Variants in FAM53A observed in about 807,000 individuals in gnomAD.
FAM53A encodes protein FAM53A.
A neutral mutation model predicts 26.6 loss-of-function variants in FAM53A; 28 were observed. That is an observed-to-expected ratio of 1.05 (90% confidence interval 0.78 to 1.45). The LOEUF (loss-of-function observed/expected upper bound fraction) is 1.45. FAM53A is among the 40% of genes most tolerant of loss of function. The pLI is 0.00. For synonymous variants in FAM53A, 290 were observed against 253.1 expected (o/e 1.15, Z -1.38); for missense variants, 650 against 575.8 (o/e 1.13, Z -1.32).
chr4:1,643,092 CT>C (rs1409490980), intron 4 of FAM53A, among the ~76,000 whole-genome samples: 2 of 152,242 alleles, frequency 1.3e-5, no homozygotes, highest in Non-Finnish European at 2.9e-5. Flanking sequence ...CCTGGAAACA[CT>C]TCCAGCGACT....
intron 4 of FAM53A, among the ~76,000 whole-genome samples, chr4:1,650,922 T>C (rs976530016): frequency 1.3e-5 from 2 of 151,660 alleles, no homozygotes; most frequent in African/African-American, 2.4e-5. Flanking sequence ...CGGGCATTGA[T>C]ATCAAGATTG....
At chr4:1,633,015 T>G (rs1356344618) in intron 1 of FAM53A, among the ~76,000 whole-genome samples, 2 of 132,026 alleles carry the variant, frequency 1.5e-5, no homozygotes, top group Non-Finnish European at 1.5e-5. Flanking sequence ...CTCACACGCA[T>G]AGGTACACGC....
At chr4:1,657,082 G>A (rs769862381) in intron 3 of FAM53A, among the ~76,000 whole-genome samples, 3 of 152,198 alleles carry the variant, frequency 2.0e-5, no homozygotes, top group Non-Finnish European at 2.9e-5. Flanking sequence ...CAGCCACGCC[G>A]TCCTCTTCTT....
intron 1 of FAM53A, among the ~76,000 whole-genome samples, chr4:1,672,759 C>CT (rs35045856): frequency 1.4e-4 from 9 of 64,804 alleles, no homozygotes; most frequent in African/African-American, 4.2e-4. Flanking sequence ...CCTGAATTTC[C>CT]TTTTTTTTTT....
At chr4:1,678,135 G>A (rs555642159) in intron 1 of FAM53A, among the ~76,000 whole-genome samples, 72 of 152,264 alleles carry the variant, frequency 4.7e-4, no homozygotes, top group African/African-American at 1.6e-3. Flanking sequence ...ACTGTGGAAG[G>A]CTTGGGCCCA....
chr4:1,677,966 TA>T (rs1269871570), intron 1 of FAM53A, among the ~76,000 whole-genome samples: 1 of 151,878 alleles, frequency 6.6e-6, no homozygotes, highest in Non-Finnish European at 1.5e-5. Context: ...AAATAAAGTT[TA>T]TACAGAGAGG....
chr4:1,612,638 GCA>G, the FAM53A span, among the ~76,000 whole-genome samples: 1 of 152,210 alleles, frequency 6.6e-6, no homozygotes, highest in South Asian at 2.1e-4. Flanking sequence ...CCTGGTGCAT[GCA>G]CACACGCCCA....
At chr4:1,580,470 G>A in the FAM53A span, among the ~76,000 whole-genome samples, 3 of 152,242 alleles carry the variant, frequency 2.0e-5, no homozygotes, top group Non-Finnish European at 4.4e-5. Flanking sequence ...AAGCTAGGGA[G>A]AAAGCATCCC....
rs111559601 is a variant in FAM53A, at chr4:1,661,866, C to T, written c.76-4398G>A. 1.5e-3 allele frequency among the ~76,000 whole-genome samples: 233 copies of T among 152,238 alleles called. 2 individuals carry two copies. Among genetic ancestry groups the T allele is most frequent in the African/African-American group, 5.4e-3 (224 of 41,532 alleles). On this transcript the variant is annotated intron_variant, in intron 2 of 4. Transcript: ENST00000308132. ...TTCCTCCACATGGTTACACAGAGTGCACCTCCATGCCACGGAGCACCTCTT... is the reference window on the plus strand; with the variant it reads ...TTCCTCCACATGGTTACACAGAGTGTACCTCCATGCCACGGAGCACCTCTT...
At chr4:1,625,664 C>G (rs538899755) in intron 1 of FAM53A, among the ~76,000 whole-genome samples, 1 of 136,030 alleles carries the variant, frequency 7.4e-6, no homozygotes, top group Non-Finnish European at 1.6e-5. Context: ...TCCCGACCCA[C>G]GTGGTCAGGG....
chr4:1,646,805 G>C (rs1053605944), intron 4 of FAM53A, among the ~76,000 whole-genome samples: 5 of 152,186 alleles, frequency 3.3e-5, no homozygotes, highest in Admixed American at 2.0e-4. Flanking sequence ...CCCAGCTGCA[G>C]GGCCACATAG....
intron 1 of FAM53A, among the ~76,000 whole-genome samples, chr4:1,623,727 C>T (rs1715157471): frequency 1.3e-5 from 2 of 152,248 alleles, no homozygotes; most frequent in South Asian, 4.1e-4. Context: ...GGAGTGCGGC[C>T]GCCGCGGATC....
At chr4:1,596,124 G>A in the FAM53A span, among the ~76,000 whole-genome samples, 40 of 152,138 alleles carry the variant, frequency 2.6e-4, no homozygotes. Context: ...ACGAGGGGAG[G>A]GTTGGCTCCA....
At chr4:1,649,295 C>T (rs1712542195) in intron 4 of FAM53A, among the ~76,000 whole-genome samples, 2 of 152,182 alleles carry the variant, frequency 1.3e-5, no homozygotes. Context: ...TCTGCACCTG[C>T]CTATCCTCTC....
chr4:1,609,341 C>T, the FAM53A span, among the ~76,000 whole-genome samples: 1 of 152,096 alleles, frequency 6.6e-6, no homozygotes, highest in African/African-American at 2.4e-5. Context: ...CTGACTCTCA[C>T]GGGAAGGCCC....
At chr4:1,636,929 T>C (rs1364436094), downstream of FAM53A, among the ~76,000 whole-genome samples, 5 of 151,446 alleles carry the variant, frequency 3.3e-5, no homozygotes, top group African/African-American at 1.2e-4. Context: ...AAGGTGCCCC[T>C]CCAGTGTTAC....
At chr4:1,676,075 G>A (rs1460395044) in intron 1 of FAM53A, among the ~76,000 whole-genome samples, 1 of 152,254 alleles carries the variant, frequency 6.6e-6, no homozygotes, top group Non-Finnish European at 1.5e-5. Flanking sequence ...CGATCCACAT[G>A]CAGTCAGATA....
chr4:1,589,342 T>C, the FAM53A span, among the ~76,000 whole-genome samples: 357 of 152,350 alleles, frequency 2.3e-3, 1 homozygote, highest in African/African-American at 8.4e-3. Flanking sequence ...TATTTGATAA[T>C]GATTTTTAGA....
chr4:1,648,320 T>A (rs1577111869), intron 4 of FAM53A, among the ~76,000 whole-genome samples: 1 of 151,688 alleles, frequency 6.6e-6, no homozygotes, highest in Middle Eastern at 3.4e-3. Flanking sequence ...GGTAGGTGGG[T>A]GTGGGTGAAG....
Sources: gnomAD v4.1 joint callset for allele counts (sites outside exome capture counted in the v4.1 genomes callset) on GRCh38, gnomAD v4.1.1 for gene constraint, MANE v1.5 for transcripts, NCBI Gene and HGNC (gene_info 2026-07-23, HGNC 2026-07-21) for gene names.